NANS: variants seen among roughly 807,000 people sequenced by gnomAD.
NANS encodes N-acetylneuraminate synthase, also known as N-acetylneuraminate-9-phosphate synthase.
In NANS, 29 loss-of-function variants were observed where a neutral mutation model predicts 33.3. The observed-to-expected ratio is 0.87, with a 90% CI of 0.65 to 1.19. NANS has a LOEUF of 1.19. NANS is among the 50% of genes most tolerant of loss of function. The pLI, the probability that NANS is intolerant of heterozygous loss-of-function variation, is 0.00. For missense variants in NANS, 394 were observed against 461.1 expected, an observed-to-expected ratio of 0.85 and a Z score of 1.33; for synonymous variants, 163 against 177.2, an observed-to-expected ratio of 0.92 and a Z score of 0.64.
chr9:98,082,658 T>A (rs568386575), intron 5 of NANS, among the ~76,000 whole-genome samples, 188 bp from the exon 6 acceptor site: 65 of 152,358 alleles, frequency 4.3e-4, no homozygotes, highest in African/African-American at 1.5e-3. Context: ...TCTGAGTCTC[T>A]GAATTCAATC....
chr9:98,079,559 A>T (rs967980340), intron 4 of NANS, among the ~76,000 whole-genome samples: 2 of 152,112 alleles, frequency 1.3e-5, no homozygotes, highest in African/African-American at 4.8e-5. Context: ...TGCTTCACTT[A>T]CAGCTTATCT....
At chr9:98,069,700 G>A (rs899165681) in intron 2 of NANS, 1 of 152,236 alleles carries the variant, frequency 6.6e-6, no homozygotes, top group Non-Finnish European at 1.5e-5. Flanking sequence ...GGAAATAACA[G>A]AATTATGACA....
At chr9:98,072,932 T>C (rs1315672025) in intron 2 of NANS, among the ~76,000 whole-genome samples, 1 of 152,174 alleles carries the variant, frequency 6.6e-6, no homozygotes, top group Non-Finnish European at 1.5e-5. Context: ...AAGGTTAAGG[T>C]GTGGCAGAAT....
intron 2 of NANS, chr9:98,069,509 T>G (rs1433448878): frequency 1.3e-5 from 2 of 152,228 alleles, no homozygotes; most frequent in Non-Finnish European, 2.9e-5. Flanking sequence ...CCTGACCTTG[T>G]GATCCACCCA....
At chr9:98,058,954 T>TCTA (rs1564154689) in intron 1 of NANS, among the ~76,000 whole-genome samples, 1 of 152,184 alleles carries the variant, frequency 6.6e-6, no homozygotes, top group South Asian at 2.1e-4. Flanking sequence ...AAGTCCTGAC[T>TCTA]CTACCATCTT....
Position 98,078,836 on chromosome 9 carries a change from G to GGAA in NANS, c.603+489_603+490insGAA, listed in dbSNP as rs34078077. 3.3e-5 allele frequency among the ~76,000 whole-genome samples: 4 copies of GGAA among 123,022 alleles called. No homozygotes were observed. The East Asian group carries it at 9.6e-4, about 29-fold the overall frequency. 80.7% of individuals were successfully genotyped at this position (123,022 alleles called of 152,430 possible). A position where few individuals can be genotyped will look rare whatever the true frequency, so the allele number is the denominator to read the frequency against. ...GGTGACAGAGTGAGACTCTCAGGGG[G>GGAA]AAAAAAAAAAAAAAAAAAGTCTGTC... On this transcript the variant is annotated intron_variant, in intron 4 of 5. Transcript: ENST00000210444.
At chr9:98,070,507 G>C (rs1289006233) in intron 2 of NANS, among the ~76,000 whole-genome samples, 3 of 152,036 alleles carry the variant, frequency 2.0e-5, no homozygotes, top group Admixed American at 2.0e-4. Context: ...TGCAACTTCT[G>C]CCTCCTGGGT....
intron 5 of NANS, among the ~76,000 whole-genome samples, 175 bp from the exon 6 acceptor site, chr9:98,082,671 T>C (rs1468179107): frequency 6.6e-6 from 1 of 152,218 alleles, no homozygotes; most frequent in Admixed American, 6.5e-5. Context: ...ATTCAATCTA[T>C]ACTGGTTGAA....
At chr9:98,068,844 AT>A (rs1367184944) in intron 2 of NANS, among the ~76,000 whole-genome samples, 7 of 142,946 alleles carry the variant, frequency 4.9e-5, no homozygotes, top group African/African-American at 1.9e-4. Flanking sequence ...AAAAAAAAAA[AT>A]TGATAACACC....
intron 1 of NANS, among the ~76,000 whole-genome samples, chr9:98,057,978 A>AG (rs1828878344): frequency 8.6e-6 from 1 of 116,662 alleles, no homozygotes; most frequent in Admixed American, 1.3e-4. Flanking sequence ...GCTGGAGTGC[A>AG]GTGGCATGAT....
rs747041411 is a variant in NANS, at chr9:98,082,874, A to G, written c.899A>G (p.Lys300Arg). Residue 300 changes from lysine to arginine, a missense_variant, in exon 6 of 6, where the codon AAA (lysine) becomes AGA (arginine). Coordinates refer to ENST00000210444, the MANE Select transcript of NANS (RefSeq NM_018946.4). ...GGCAAGTCTGTGGTGGCCAAAGTGAAAATTCCGGAAGGCACCATTCTAACA... is the reference window on the plus strand; with the variant it reads ...GGCAAGTCTGTGGTGGCCAAAGTGAGAATTCCGGAAGGCACCATTCTAACA... ...KLGKSVVAKV[K>R]IPEGTILTMD... The G allele has an allele frequency of 8.1e-6, 13 of 1,614,192 alleles. No homozygotes were observed. The East Asian group carries it at 2.9e-4, about 36-fold the overall frequency.
intron 2 of NANS, 44 bp downstream of exon 2, chr9:98,061,041 A>G (rs375775182): frequency 6.2e-4 from 987 of 1,588,240 alleles, no homozygotes; most frequent in Non-Finnish European, 8.2e-4. Context: ...TAGCAGACCA[A>G]GGGTCAGCAG....
At chr9:98,081,313 C>T (rs1829851136) in intron 5 of NANS, 1 of 586,558 alleles carries the variant, frequency 1.7e-6, no homozygotes, top group South Asian at 2.1e-5. Context: ...GTTTCTCTGG[C>T]CACCTAGGGT....
chr9:98,079,723 C>T (rs6478556), intron 4 of NANS, among the ~76,000 whole-genome samples: 45,198 of 152,122 alleles, frequency 0.3, 8,500 homozygotes, highest in African/African-American at 0.53. Context: ...GTATCTCCGT[C>T]CCCACTCAAG....
chr9:98,073,262 C>T (rs1305851518), intron 2 of NANS, among the ~76,000 whole-genome samples: 1 of 140,602 alleles, frequency 7.1e-6, no homozygotes, highest in East Asian at 2.2e-4. Flanking sequence ...CCCAGCTCAT[C>T]ACCATGGGCT....
At chr9:98,081,265 T>TAGC in intron 5 of NANS, 183 bp downstream of exon 5, 1 of 753,840 alleles carries the variant, frequency 1.3e-6, no homozygotes. Flanking sequence ...CTCTGGCCTG[T>TAGC]AGCAGCAGCA....
At chr9:98,061,778 CAA>C (rs34108164) in intron 2 of NANS, among the ~76,000 whole-genome samples, 2 of 116,100 alleles carry the variant, frequency 1.7e-5, no homozygotes, top group Non-Finnish European at 1.8e-5. Flanking sequence ...GATTCCGTCT[CAA>C]AAAAAAAAAA....
chr9:98,078,429 AAACATGGCATACTTTATAATTTG>A, intron 4 of NANS, 82 bp downstream of exon 4: 1 of 1,473,788 alleles, frequency 6.8e-7, no homozygotes, highest in Non-Finnish European at 9.2e-7. Context: ...AAATTCTAAC[AAACATGGCATACTTTATAATTTG>A]AACATCCTTT....
At chr9:98,079,755 T>A (rs1829768674) in intron 4 of NANS, among the ~76,000 whole-genome samples, 1 of 152,222 alleles carries the variant, frequency 6.6e-6, no homozygotes, top group Non-Finnish European at 1.5e-5. Context: ...TCCTCTCTCT[T>A]GACACTACAC....
Sources: allele counts gnomAD v4.1 joint callset (sites outside exome capture counted in the v4.1 genomes callset), GRCh38; gene constraint gnomAD v4.1.1; transcripts MANE v1.5; gene names NCBI Gene and HGNC (gene_info 2026-07-23, HGNC 2026-07-21).